Variants in FCER1A observed in about 807,000 individuals in gnomAD.
The protein encoded by FCER1A is Fc epsilon receptor Ia.
In FCER1A, 24 loss-of-function variants were observed where a neutral mutation model predicts 23.6. That is an observed-to-expected ratio of 1.02 (90% CI 0.74 to 1.43). FCER1A has a LOEUF of 1.43. FCER1A is among the 40% of genes most tolerant of loss of function. The pLI, the probability that FCER1A is intolerant of heterozygous loss-of-function variation, is 0.00. For missense variants in FCER1A, 318 were observed against 294.5 expected, an observed-to-expected ratio of 1.08 and a Z score of -0.58; for synonymous variants, 121 against 108.8, an observed-to-expected ratio of 1.11 and a Z score of -0.70.
In FCER1A at chr1:159,307,921, A is replaced by C. The variant is rs1432294123; in HGVS notation, c.763A>C (p.Lys255Gln). The C allele has an allele frequency of 5.7e-6, 9 of 1,588,828 alleles. No homozygotes were observed. The highest frequency in any genetic ancestry group is 2.3e-5 in the East Asian group (1 of 44,406). ...LLNPHPKPNP[K>Q]NN ...GAACCCACATCCTAAGCCAAACCCC[A>C]AAAACAACTGATATAATTACTCAAG... is the stretch of plus-strand genomic sequence containing the variant. Residue 255 changes from lysine to glutamine, a missense_variant, in exon 5 of 5, where the codon AAA becomes CAA. By Grantham distance (53) the Lys-to-Gln change is moderately conservative. Coordinates refer to ENST00000693622, the MANE Select transcript of FCER1A (RefSeq NM_001387280.1).
At chr1:159,303,729 T>C (rs1050646298) in intron 2 of FCER1A, among the ~76,000 whole-genome samples, 199 bp from the exon 3 acceptor site, 2 of 152,216 alleles carry the variant, frequency 1.3e-5, no homozygotes, top group Admixed American at 1.3e-4. Context: ...TCTTTCTCCC[T>C]GTGTTGGGCG....
intron 1 of FCER1A, among the ~76,000 whole-genome samples, chr1:159,296,333 A>G (rs540142918): frequency 6.6e-6 from 1 of 152,332 alleles, no homozygotes; most frequent in East Asian, 1.9e-4. Flanking sequence ...TAAAGAAGAA[A>G]TAAAGGGAAA....
chr1:159,289,080 T>C (rs984984007), upstream of FCER1A, among the ~76,000 whole-genome samples: 6 of 152,168 alleles, frequency 3.9e-5, no homozygotes, highest in East Asian at 3.8e-4. Context: ...AAATATCCCA[T>C]GGTTATCGTC....
At chr1:159,306,696 G>A (rs1652627190) in intron 4 of FCER1A, among the ~76,000 whole-genome samples, 1 of 152,156 alleles carries the variant, frequency 6.6e-6, no homozygotes, top group Non-Finnish European at 1.5e-5. Context: ...AAGGAAACCA[G>A]CAAGTCAGTA....
chr1:159,303,824 C>CTT, intron 2 of FCER1A, 104 bp from the exon 3 acceptor site: 1 of 839,150 alleles, frequency 1.2e-6, no homozygotes, highest in Admixed American at 2.5e-5. Context: ...ACAGGTTGAC[C>CTT]ACTGATTGTC....
At chr1:159,288,119 A>G (rs949507126), upstream of FCER1A, among the ~76,000 whole-genome samples, 2 of 152,346 alleles carry the variant, frequency 1.3e-5, no homozygotes, top group South Asian at 4.1e-4. Context: ...GCATTTTAAT[A>G]TATGAATTGC....
chr1:159,288,382 T>C (rs2102212838), upstream of FCER1A, among the ~76,000 whole-genome samples: 1 of 152,294 alleles, frequency 6.6e-6, no homozygotes, highest in East Asian at 1.9e-4. Context: ...TTTCCCTACT[T>C]CATAACTGAA....
At chr1:159,301,511 A>G (rs1262123226), upstream of FCER1A, among the ~76,000 whole-genome samples, 1 of 152,224 alleles carries the variant, frequency 6.6e-6, no homozygotes, top group Non-Finnish European at 1.5e-5. Flanking sequence ...CTAGATCCCC[A>G]TAAGTAATGG....
At chr1:159,283,720 T>C in the FCER1A span, among the ~76,000 whole-genome samples, 6 of 152,174 alleles carry the variant, frequency 3.9e-5, no homozygotes, top group East Asian at 9.6e-4. Context: ...GCTATGTTCC[T>C]GAGGCTTGGG....
upstream of FCER1A, among the ~76,000 whole-genome samples, chr1:159,298,257 AT>A (rs959605381): frequency 6.6e-6 from 1 of 151,838 alleles, no homozygotes; most frequent in Non-Finnish European, 1.5e-5. Flanking sequence ...ATGCTCAGTG[AT>A]ACGCCTTGGA....
At chr1:159,302,309 A>G (rs1652454220), upstream of FCER1A, 3 of 1,246,812 alleles carry the variant, frequency 2.4e-6, no homozygotes, top group African/African-American at 1.5e-5. Flanking sequence ...TTTTAAGCCT[A>G]TATTTGAAGC....
At chr1:159,305,010 C>T (rs115519840) in intron 3 of FCER1A, among the ~76,000 whole-genome samples, 2 of 152,178 alleles carry the variant, frequency 1.3e-5, no homozygotes, top group African/African-American at 2.4e-5. Context: ...CAACAAATAG[C>T]ATAGCATGCT....
At chr1:159,298,710 C>T (rs1652356458), upstream of FCER1A, among the ~76,000 whole-genome samples, 1 of 152,270 alleles carries the variant, frequency 6.6e-6, no homozygotes. Flanking sequence ...CTCCTTTCTT[C>T]TTTTTAGGCA....
At chr1:159,284,290 G>A in the FCER1A span, among the ~76,000 whole-genome samples, 1 of 152,198 alleles carries the variant, frequency 6.6e-6, no homozygotes, top group African/African-American at 2.4e-5. Context: ...CACTGGGAAA[G>A]GGGAGAAGAC....
intron 1 of FCER1A, among the ~76,000 whole-genome samples, chr1:159,293,243 T>A (rs1462980228): frequency 6.6e-6 from 1 of 151,422 alleles, no homozygotes; most frequent in Admixed American, 6.6e-5. Context: ...GGCTCTTTCT[T>A]AGCTTTCAAA....
At chr1:159,295,732 C>A (rs1317813080) in intron 1 of FCER1A, among the ~76,000 whole-genome samples, 1 of 152,160 alleles carries the variant, frequency 6.6e-6, no homozygotes, top group Non-Finnish European at 1.5e-5. Context: ...ATCAGGGCCC[C>A]TATTCCATGT....
chr1:159,307,272 T>A (rs1231583099), intron 4 of FCER1A, among the ~76,000 whole-genome samples: 3 of 152,216 alleles, frequency 2.0e-5, no homozygotes, highest in Non-Finnish European at 2.9e-5. Context: ...ATCGGTACAG[T>A]TTATAAACAG....
upstream of FCER1A, among the ~76,000 whole-genome samples, chr1:159,299,430 G>T (rs2102225102): frequency 6.6e-6 from 1 of 152,302 alleles, no homozygotes; most frequent in South Asian, 2.1e-4. Context: ...AAACACAAAA[G>T]TTCCTGCCCA....
At chr1:159,292,117 C>T (rs1342174420) in intron 1 of FCER1A, among the ~76,000 whole-genome samples, 1 of 152,018 alleles carries the variant, frequency 6.6e-6, no homozygotes, top group Non-Finnish European at 1.5e-5. Flanking sequence ...TTCTCTGTTG[C>T]TTAATTTCTT....
Sources: allele counts gnomAD v4.1 joint callset (sites outside exome capture counted in the v4.1 genomes callset), GRCh38; gene constraint gnomAD v4.1.1; transcripts MANE v1.5; gene names NCBI Gene and HGNC (gene_info 2026-07-23, HGNC 2026-07-21).